The following ACSBG1 variants were observed in gnomAD, a reference collection of about 807,000 sequenced individuals.
The protein encoded by ACSBG1 is acyl-CoA synthetase bubblegum family member 1.
A neutral mutation model predicts 80.2 loss-of-function variants in ACSBG1; 39 were observed. The ratio of observed to expected loss-of-function variants is 0.49; its 90% CI spans 0.38 to 0.64. The LOEUF is 0.64. Ranked by LOEUF, ACSBG1 falls within the 30% of genes least tolerant of loss-of-function variation. ACSBG1 has a pLI of 0.00. For missense variants in ACSBG1, 828 were observed against 966.4 expected, an observed-to-expected ratio of 0.86 and a Z score of 1.90; for synonymous variants, 392 against 379.5, an observed-to-expected ratio of 1.03 and a Z score of -0.38.
At chr15:78,183,030 A>G (rs2074965100) in intron 5 of ACSBG1, 6 of 569,476 alleles carry the variant, frequency 1.1e-5, no homozygotes, top group Non-Finnish European at 1.9e-5. Context: ...ACCACCAAAC[A>G]AGCTGGGGCT....
intron 1 of ACSBG1, among the ~76,000 whole-genome samples, chr15:78,234,138 T>TCATACCC (rs2075473125): frequency 6.6e-6 from 1 of 152,228 alleles, no homozygotes; most frequent in Non-Finnish European, 1.5e-5. Context: ...CAGCCCCAGC[T>TCATACCC]CATACCCCTG....
intron 5 of ACSBG1, among the ~76,000 whole-genome samples, chr15:78,190,974 A>T (rs1246458273): frequency 6.6e-6 from 1 of 152,358 alleles, no homozygotes; most frequent in East Asian, 1.9e-4. Flanking sequence ...ATTTCATCAG[A>T]TTGGATAAAA....
intron 1 of ACSBG1, among the ~76,000 whole-genome samples, chr15:78,219,267 G>A (rs2075339793): frequency 6.6e-6 from 1 of 152,080 alleles, no homozygotes; most frequent in African/African-American, 2.4e-5. Context: ...TGGTTATTGT[G>A]CATGGTGGTG....
At position 78,171,495 on chromosome 15, in the gene ACSBG1, C is replaced by T. The variant is rs764537595; in HGVS notation, c.2124G>A (p.Leu708=). 4 of 1,614,130 alleles carry T rather than the reference C, an allele frequency of 2.5e-6. No individual in the cohort carries two copies. The highest frequency in any genetic ancestry group is 2.5e-6 in the Non-Finnish European group (3 of 1,180,000). Residue 708 remains leucine (L), a synonymous_variant, in exon 14 of 14, where the codon TTG becomes TTA. Coordinates refer to ENST00000258873, the MANE Select transcript of ACSBG1 (RefSeq NM_015162.5). The part of the protein sequence containing the change: ...PTMKLKRLTV[L]EKYKGIIDSF... ...AGTCAATGATACCTTTGTACTTCTC[C>T]AAAACTGTGAGCCGTTTCAGTTTCA... is the stretch of plus-strand genomic sequence containing the variant.
At chr15:78,207,566 G>A (rs562849962) in intron 2 of ACSBG1, among the ~76,000 whole-genome samples, 17 of 152,036 alleles carry the variant, frequency 1.1e-4, no homozygotes, top group African/African-American at 4.1e-4. Flanking sequence ...AATGTTTCAA[G>A]CCTCCAAAAC....
At chr15:78,191,142 C>A (rs1018487975) in intron 5 of ACSBG1, among the ~76,000 whole-genome samples, 2 of 152,110 alleles carry the variant, frequency 1.3e-5, no homozygotes, top group Non-Finnish European at 2.9e-5. Flanking sequence ...ACTTTTGGAA[C>A]AAGAATTATT....
intron 5 of ACSBG1, among the ~76,000 whole-genome samples, chr15:78,184,994 G>A (rs540350136): frequency 4.7e-4 from 72 of 152,020 alleles, no homozygotes; most frequent in African/African-American, 1.7e-3. Context: ...TGAGCTATGG[G>A]AGAGACAGAC....
intron 1 of ACSBG1, among the ~76,000 whole-genome samples, chr15:78,223,097 G>C (rs1411506625): frequency 6.6e-6 from 1 of 152,170 alleles, no homozygotes; most frequent in Non-Finnish European, 1.5e-5. Context: ...CTAAGGCTAA[G>C]TCAAAAAAGC....
At chr15:78,179,515 T>C (rs769902025) in intron 10 of ACSBG1, 35 bp downstream of exon 10, 12 of 1,579,568 alleles carry the variant, frequency 7.6e-6, no homozygotes, top group African/African-American at 1.4e-5. Context: ...CAAGGGCGCA[T>C]GGGTGTGCAT....
At chr15:78,205,463 G>T (rs568603551) in intron 2 of ACSBG1, among the ~76,000 whole-genome samples, 2 of 152,160 alleles carry the variant, frequency 1.3e-5, no homozygotes, top group Admixed American at 1.3e-4. Context: ...CCAGACTTGT[G>T]GGGGCCAGAC....
intron 1 of ACSBG1, among the ~76,000 whole-genome samples, chr15:78,219,658 T>C (rs958788941): frequency 2.7e-5 from 4 of 149,554 alleles, no homozygotes; most frequent in African/African-American, 7.4e-5. Context: ...TTTGCAGAAA[T>C]TGACAAGCTA....
At chr15:78,180,676 G>A (rs17479135) in intron 9 of ACSBG1, 79 bp downstream of exon 9, 108,579 of 1,531,906 alleles carry the variant, frequency 0.071, 4,529 homozygotes, top group South Asian at 0.17. Flanking sequence ...CAGGCATGGC[G>A]TATCAGACCC....
Position 78,193,539 on chromosome 15 carries a change from G to C in ACSBG1, c.630C>G (p.Val210=). ...AYDCCANVIM[V]DTQKQLEKIL... ...TCTTTTCCAGCTGCTTCTGCGTGTCGACCATGATGACATTGGCGCAGCAGT... is the reference window on the plus strand; with the variant it reads ...TCTTTTCCAGCTGCTTCTGCGTGTCCACCATGATGACATTGGCGCAGCAGT... Residue 210 remains valine (V), a synonymous_variant, in exon 5 of 14, where the codon GTC becomes GTG. Transcript: ENST00000258873. 2 of 1,612,802 alleles carry C rather than the reference G, an allele frequency of 1.2e-6. No individual in the cohort carries two copies. Among genetic ancestry groups the C allele is most frequent in the Non-Finnish European group, 1.7e-6 (2 of 1,179,238 alleles).
chr15:78,169,998 T>C lies in ACSBG1; in HGVS notation c.*1446A>G, dbSNP rs2074800212. 6.6e-6 allele frequency: 1 copy of C among 152,172 alleles called. No homozygotes were observed. The allele number at this position is 152,172 out of a possible 1,614,324, so 9.4% of individuals were successfully genotyped here. A position where few individuals can be genotyped will look rare whatever the true frequency, so the allele number is the denominator to read the frequency against. On this transcript the variant is annotated 3_prime_UTR_variant, in exon 14 of 14. Coordinates refer to ENST00000258873, the MANE Select transcript of ACSBG1 (RefSeq NM_015162.5). Reference sequence around the variant, plus strand: ...TTTGTATTTCAGCAACTGCCCCTTCTCCTATCCCAAAGCACCAATTACTGC... The same window carrying C: ...TTTGTATTTCAGCAACTGCCCCTTCCCCTATCCCAAAGCACCAATTACTGC...
intron 1 of ACSBG1, among the ~76,000 whole-genome samples, chr15:78,220,459 C>T (rs962041690): frequency 3.9e-5 from 6 of 151,976 alleles, no homozygotes; most frequent in African/African-American, 1.5e-4. Context: ...CAAACAATAA[C>T]AAATAAATTG....
chr15:78,178,722 T>C lies in ACSBG1; in HGVS notation c.1594A>G (p.Met532Val). The change falls in exon 11 of 14, where the codon ATG becomes GTG. Residue 532 changes from methionine (M) to valine (V), a missense_variant. Transcript: ENST00000258873. The surrounding 1 kb of genome is among the most constrained non-coding windows in gnomAD (Gnocchi z 4.3). ...GRTIFMGYLN[M>V]EDKTCEAIDE... ...ATGGCCTCACAAGTCTTGTCCTCCA[T>C]GTTCAGGTAGCCCATGAATATGGTG... The C allele has an allele frequency of 1.2e-6, 2 of 1,614,176 alleles. No homozygotes were observed. The highest frequency in any genetic ancestry group is 1.7e-6 in the Non-Finnish European group (2 of 1,180,024).
intron 2 of ACSBG1, among the ~76,000 whole-genome samples, chr15:78,197,315 T>G (rs1034739390): frequency 1.3e-5 from 2 of 152,032 alleles, no homozygotes; most frequent in African/African-American, 4.8e-5. Flanking sequence ...AACATTGGAT[T>G]GTGGGGATGT....
chr15:78,229,755 T>G (rs1041795911), intron 1 of ACSBG1, among the ~76,000 whole-genome samples: 5 of 152,134 alleles, frequency 3.3e-5, no homozygotes, highest in African/African-American at 1.2e-4. Context: ...CTGTACTCAC[T>G]GCTGCTAGAT....
chr15:78,233,594 T>C (rs1244671363), intron 1 of ACSBG1, among the ~76,000 whole-genome samples: 1 of 152,236 alleles, frequency 6.6e-6, no homozygotes. Flanking sequence ...TCAAGGTCCA[T>C]CTCAGGCGCC....
Sources: gnomAD v4.1 joint callset for allele counts (sites outside exome capture counted in the v4.1 genomes callset) on GRCh38, gnomAD v4.1.1 for gene constraint, Gnocchi (gnomAD v3.1) non-coding constraint, MANE v1.5 for transcripts, NCBI Gene and HGNC (gene_info 2026-07-23, HGNC 2026-07-21) for gene names.